Variants in SPG11 observed in about 807,000 individuals in gnomAD.
SPG11 encodes SPG11 vesicle trafficking associated, spatacsin, also known as spatacsin.
SPG11 carries 222 observed loss-of-function variants against 274.0 expected under a neutral mutation model. The ratio of observed to expected loss-of-function variants is 0.81; its 90% CI spans 0.73 to 0.91. The LOEUF (loss-of-function observed/expected upper bound fraction) is 0.91. SPG11 is among the 40% of genes least tolerant of loss of function. SPG11 has a pLI of 0.00. For missense variants in SPG11, 3,114 were observed against 2,872.7 expected, an observed-to-expected ratio of 1.08 and a Z score of -1.92; for synonymous variants, 1,144 against 1,039.7, an observed-to-expected ratio of 1.10 and a Z score of -1.93.
chr15:44,626,381 T>C lies in SPG11; in HGVS notation c.2194A>G (p.Asn732Asp). ...TCCTTTATATTGTTCTTTTTTAAAT[T>C]GTCAAAGACCAAATTTAGGCCTATG... ...IGIGLNLVFD[N>D]LKKNNIKEAS... Residue 732 changes from asparagine to aspartate, a missense_variant, in exon 11 of 40, where the codon AAT becomes GAT. Transcript: ENST00000261866. 1 of 1,613,594 alleles carries C rather than the reference T, an allele frequency of 6.2e-7. No homozygotes were observed. Among genetic ancestry groups the C allele is most frequent in the East Asian group, 2.2e-5 (1 of 44,834 alleles).
intron 34 of SPG11, 100 bp from the exon 35 acceptor site, chr15:44,569,605 CAGG>C (rs1223253387): frequency 2.7e-5 from 24 of 889,598 alleles, no homozygotes; most frequent in Non-Finnish European, 3.8e-5. Flanking sequence ...TGCCAAGCTC[CAGG>C]AGGAGAAGGG....
At position 44,563,278 on chromosome 15, in the gene SPG11, T is replaced by G. The variant is rs201876990; in HGVS notation, c.7175A>C (p.Asp2392Ala). The G allele has an allele frequency of 6.2e-7, 1 of 1,613,684 alleles. No homozygotes were observed. The highest frequency in any genetic ancestry group is 2.2e-5 in the East Asian group (1 of 44,884). Residue 2392 changes from aspartate to alanine, a missense_variant, in exon 40 of 40, where the codon GAC becomes GCC. Coordinates refer to ENST00000261866, the MANE Select transcript of SPG11 (RefSeq NM_025137.4). Reference protein sequence around the residue: ...SKKYKQHQPTDMVMENLKKLL... With the variant: ...SKKYKQHQPTAMVMENLKKLL... ...TTTCTTCAGGTTTTCCATGACCATG[T>G]CAGTAGGCTGATGTTGTTTATATCT...
Position 44,600,762 on chromosome 15 carries a change from T to C in SPG11, c.3521-130A>G, listed in dbSNP as rs146229836. 1.1e-3 allele frequency: 1,009 copies of C among 932,764 alleles called. 7 individuals carry two copies. The African/African-American group carries it at 0.015, about 14-fold the overall frequency. The allele number at this position is 932,764 out of a possible 1,614,324, so 57.8% of individuals were successfully genotyped here. Reference sequence around the variant, plus strand: ...TTGCATCACTACGTATCACTTTGAATCTACCAAAATCTGATTTATTTTACT... The same window carrying C: ...TTGCATCACTACGTATCACTTTGAACCTACCAAAATCTGATTTATTTTACT... On this transcript the variant is annotated intron_variant, in intron 20 of 39. Transcript: ENST00000261866.
At chr15:44,624,634 A>T (rs2141033834) in intron 11 of SPG11, among the ~76,000 whole-genome samples, 1 of 152,300 alleles carries the variant, frequency 6.6e-6, no homozygotes, top group South Asian at 2.1e-4. Context: ...ATAATAATAC[A>T]TTGTATACTT....
At chr15:44,599,504 T>C (rs1335908582) in intron 21 of SPG11, among the ~76,000 whole-genome samples, 4 of 152,120 alleles carry the variant, frequency 2.6e-5, no homozygotes, top group Non-Finnish European at 5.9e-5. Context: ...TTCACCATAT[T>C]GGCCAGGCTG....
chr15:44,573,362 T>C (rs2082464433), intron 32 of SPG11, 185 bp downstream of exon 32: 1 of 672,694 alleles, frequency 1.5e-6, no homozygotes. Flanking sequence ...AGCATGTATT[T>C]TGTACATGTA....
chr15:44,611,432 T>C (rs1286394457), intron 17 of SPG11, among the ~76,000 whole-genome samples: 2 of 152,154 alleles, frequency 1.3e-5, no homozygotes, highest in Non-Finnish European at 2.9e-5. Context: ...GCAAATTAAT[T>C]AGATGCCATA....
intron 30 of SPG11, among the ~76,000 whole-genome samples, chr15:44,576,465 G>A (rs543110287): frequency 6.6e-5 from 10 of 151,834 alleles, no homozygotes; most frequent in Non-Finnish European, 1.0e-4. Flanking sequence ...TGGCTAACAC[G>A]GTGAAACCCC....
intron 38 of SPG11, among the ~76,000 whole-genome samples, chr15:44,565,112 G>A (rs2082282202): frequency 6.6e-6 from 1 of 152,174 alleles, no homozygotes; most frequent in South Asian, 2.1e-4. Flanking sequence ...GCAGTATGAG[G>A]AACAGTGAAA....
intron 27 of SPG11, 117 bp downstream of exon 27, chr15:44,592,214 G>C (rs139180394): frequency 2.0e-5 from 14 of 711,232 alleles, no homozygotes; most frequent in Middle Eastern, 2.3e-4. Context: ...AGCTGTGATC[G>C]TAACACTGTG....
chr15:44,605,463 A>G (rs2083294622), intron 20 of SPG11, among the ~76,000 whole-genome samples: 1 of 152,214 alleles, frequency 6.6e-6, no homozygotes, highest in Non-Finnish European at 1.5e-5. Context: ...AGGCAACATG[A>G]TATTAAAGAT....
chr15:44,622,536 T>C (rs557172931), intron 12 of SPG11, 189 bp from the exon 13 acceptor site: 1 of 747,224 alleles, frequency 1.3e-6, no homozygotes, highest in African/African-American at 1.8e-5. Flanking sequence ...AAATTTTCTT[T>C]TGCCACAAAT....
chr15:44,598,346 CCAT>C lies in SPG11; in HGVS notation c.3917_3919del (p.Asp1306del), dbSNP rs767486253. 1 of 1,613,992 alleles carries C rather than the reference CCAT, an allele frequency of 6.2e-7. No homozygotes were observed. The highest frequency in any genetic ancestry group is 1.1e-5 in the South Asian group (1 of 91,074). The stretch of plus-strand genomic sequence containing the variant: ...CAATTCTTCTGTGGTTGTCTTTTCA[CCAT>C]CAGCTAGTTTAGATAGTTTTTCGGC... On this transcript the variant is annotated inframe_deletion, in exon 23 of 40. Coordinates refer to ENST00000261866, the MANE Select transcript of SPG11 (RefSeq NM_025137.4).
chr15:44,575,584 TC>T (rs1282696562), intron 30 of SPG11, among the ~76,000 whole-genome samples: 1 of 149,398 alleles, frequency 6.7e-6, no homozygotes, highest in Non-Finnish European at 1.5e-5. Flanking sequence ...AACCTCTGCC[TC>T]CAGGGCTCAA....
chr15:44,596,257 G>T lies in SPG11; in HGVS notation c.4260C>A (p.Ser1420Arg), dbSNP rs150130615. Residue 1420 changes from serine (S) to arginine (R), a missense_variant, in exon 25 of 40, where the codon AGC (serine) becomes AGA (arginine). Coordinates refer to ENST00000261866, the MANE Select transcript of SPG11 (RefSeq NM_025137.4). ...GGGGGCACTTATTGCAGACTTGATC[G>T]CTGTCCATTTTGGAGGTGGGCACTG... is the stretch of plus-strand genomic sequence containing the variant. ...LPSVPTSKMD[S>R]DQVCNKCPQE... The T allele has an allele frequency of 6.2e-7, 1 of 1,614,104 alleles. No individual in the cohort carries two copies. The highest frequency in any genetic ancestry group is 8.5e-7 in the Non-Finnish European group (1 of 1,180,012).
chr15:44,641,566 G>GA (rs1253697541), intron 7 of SPG11, among the ~76,000 whole-genome samples: 2 of 108,488 alleles, frequency 1.8e-5, no homozygotes, highest in Non-Finnish European at 3.9e-5. Context: ...ACTTATGAAA[G>GA]AAAAAAAATC....
chr15:44,567,472 C>A lies in SPG11; in HGVS notation c.6706G>T (p.Glu2236Ter), dbSNP rs369245384. The A allele has an allele frequency of 6.2e-7, 1 of 1,613,894 alleles. No homozygotes were observed. Among genetic ancestry groups the A allele is most frequent in the African/African-American group, 1.3e-5 (1 of 74,884 alleles). The part of the protein sequence containing the change: ...SMCREIGENH[E>*]AAARIQLKLI... ...TTCAGTTGGATGCGGGCAGCTGCCT[C>A]GTGGTTCTCGCCAATCTCCCGGCAC... Residue 2236 changes from glutamate to a stop codon, truncating the protein, a stop_gained, in exon 36 of 40, where the codon GAG becomes TAG. Transcript: ENST00000261866. LOFTEE classifies it high-confidence loss of function.
chr15:44,611,091 TAAAAAA>T (rs35831490), intron 17 of SPG11, 106 bp from the exon 18 acceptor site: 713 of 69,944 alleles, frequency 0.01, 5 homozygotes, highest in Middle Eastern at 0.032. Flanking sequence ...CTATCCCCAG[TAAAAAA>T]AAAAAAAAAA....
chr15:44,633,721 G>C, intron 7 of SPG11, 84 bp from the exon 8 acceptor site: 1 of 1,439,466 alleles, frequency 6.9e-7, no homozygotes, highest in Non-Finnish European at 9.6e-7. Flanking sequence ...ACAAACTTTA[G>C]AATTTAATGT....
Sources: allele counts gnomAD v4.1 joint callset (sites outside exome capture counted in the v4.1 genomes callset), GRCh38; gene constraint gnomAD v4.1.1; transcripts MANE v1.5; gene names NCBI Gene and HGNC (gene_info 2026-07-23, HGNC 2026-07-21).